Variants in GXYLT2 observed in about 807,000 individuals in gnomAD.
The protein encoded by GXYLT2 is glycosyltransferase 8 domain containing 4.
A neutral mutation model predicts 45.8 loss-of-function variants in GXYLT2; 53 were observed. The ratio of observed to expected loss-of-function variants is 1.16; its 90% CI spans 0.93 to 1.46. The LOEUF is 1.46. Ranked by LOEUF, GXYLT2 falls within the 40% of genes most tolerant of loss-of-function variation. The pLI, the probability that GXYLT2 is intolerant of heterozygous loss-of-function variation, is 0.00. For missense variants in GXYLT2, 551 were observed against 544.4 expected (o/e 1.01, Z -0.12); for synonymous variants, 219 against 214.2 (o/e 1.02, Z -0.19).
intron 2 of GXYLT2, among the ~76,000 whole-genome samples, chr3:72,917,177 C>T (rs1358943617): frequency 6.6e-6 from 1 of 152,114 alleles, no homozygotes; most frequent in East Asian, 1.9e-4. Context: ...GCCATCACAG[C>T]TCACTGCAGC....
chr3:72,898,458 TC>T lies in GXYLT2; in HGVS notation c.276-9907del, dbSNP rs560620674. 2.8e-4 allele frequency among the ~76,000 whole-genome samples: 43 copies of T among 152,294 alleles called. No homozygotes were observed. In the East Asian group the frequency reaches 7.9e-3, roughly 28 times the overall value. The stretch of plus-strand genomic sequence containing the variant: ...AAGAAGGAGATGGAGAAATAGAATC[TC>T]CTATATGTCAGGAACAATCATAAGG... On this transcript the variant is annotated intron_variant, in intron 1 of 6. Coordinates refer to ENST00000389617, the MANE Select transcript of GXYLT2 (RefSeq NM_001080393.2).
chr3:72,889,913 T>G (rs1032235763), intron 1 of GXYLT2, among the ~76,000 whole-genome samples: 8 of 150,016 alleles, frequency 5.3e-5, no homozygotes, highest in Admixed American at 2.0e-4. Context: ...TTTTGTTTTT[T>G]TTTTTTTTTT....
intron 1 of GXYLT2, among the ~76,000 whole-genome samples, chr3:72,889,401 T>C (rs555889077): frequency 6.6e-6 from 1 of 152,122 alleles, no homozygotes. Context: ...CTGAAAGGAG[T>C]TGAAAAATTA....
chr3:72,910,109 A>C (rs1388643193), intron 2 of GXYLT2, among the ~76,000 whole-genome samples: 2 of 152,202 alleles, frequency 1.3e-5, no homozygotes, highest in Non-Finnish European at 2.9e-5. Context: ...GTTAGCTCAG[A>C]GGGTGAAGTA....
chr3:72,938,841 A>G (rs1323909974), intron 3 of GXYLT2, among the ~76,000 whole-genome samples: 2 of 152,228 alleles, frequency 1.3e-5, no homozygotes, highest in African/African-American at 2.4e-5. Flanking sequence ...TTAATGAGCC[A>G]GAATTTTAGA....
intron 2 of GXYLT2, among the ~76,000 whole-genome samples, chr3:72,921,898 T>C (rs1709839121): frequency 6.6e-6 from 1 of 152,200 alleles, no homozygotes; most frequent in Non-Finnish European, 1.5e-5. Flanking sequence ...AATGTCCTTG[T>C]ACCTCTGTCT....
intron 3 of GXYLT2, among the ~76,000 whole-genome samples, chr3:72,927,739 G>A (rs1709945453): frequency 6.6e-6 from 1 of 152,032 alleles, no homozygotes; most frequent in Non-Finnish European, 1.5e-5. Context: ...GCACCAAGAG[G>A]CCATAAATTA....
rs1316755361 is a variant in GXYLT2, at chr3:72,954,111, A to G, written c.601-987A>G. ...CATCTGCAAACTATATATTTTTTTA[A>G]TTTTTTATTTTGAAATGGAGTCTTG... On this transcript the variant is annotated intron_variant, in intron 3 of 6. Coordinates refer to ENST00000389617, the MANE Select transcript of GXYLT2 (RefSeq NM_001080393.2). Among the ~76,000 whole-genome samples, 4 of 151,858 alleles carry G rather than the reference A, an allele frequency of 2.6e-5. No homozygotes were observed. In the South Asian group the frequency reaches 6.2e-4, roughly 24 times the overall value.
At chr3:72,902,858 CA>C (rs1418039028) in intron 1 of GXYLT2, among the ~76,000 whole-genome samples, 3 of 151,890 alleles carry the variant, frequency 2.0e-5, no homozygotes, top group Non-Finnish European at 4.4e-5. Flanking sequence ...ACTAAAAATA[CA>C]AAAATTAGCT....
intron 4 of GXYLT2, among the ~76,000 whole-genome samples, chr3:72,955,582 T>C (rs981494295): frequency 1.3e-5 from 2 of 152,222 alleles, no homozygotes; most frequent in African/African-American, 4.8e-5. Flanking sequence ...GAATACTATG[T>C]TGCATTTCTG....
chr3:72,937,211 T>A (rs186416171), intron 3 of GXYLT2, among the ~76,000 whole-genome samples: 211 of 152,250 alleles, frequency 1.4e-3, no homozygotes, highest in Admixed American at 5.0e-3. Context: ...AGCTTTTTTT[T>A]AAAAAAAGAA....
At chr3:72,902,082 C>G (rs1709420160) in intron 1 of GXYLT2, among the ~76,000 whole-genome samples, 1 of 151,186 alleles carries the variant, frequency 6.6e-6, no homozygotes. Context: ...TATCAGTTTA[C>G]CAGTTGATGG....
intron 2 of GXYLT2, among the ~76,000 whole-genome samples, chr3:72,921,495 C>T (rs1709832969): frequency 1.3e-5 from 2 of 152,042 alleles, no homozygotes; most frequent in Admixed American, 6.6e-5. Context: ...TACTGTGGCA[C>T]GATCTCACTG....
At chr3:72,889,836 A>G (rs1225837159) in intron 1 of GXYLT2, among the ~76,000 whole-genome samples, 1 of 151,748 alleles carries the variant, frequency 6.6e-6, no homozygotes, top group South Asian at 2.1e-4. Context: ...GTTAACACTT[A>G]ACATATACAA....
In GXYLT2 at chr3:72,976,572, A is replaced by G. The variant is rs1383150428; in HGVS notation, c.*1413A>G. On this transcript the variant is annotated 3_prime_UTR_variant, in exon 7 of 7. Transcript: ENST00000389617. The stretch of plus-strand genomic sequence containing the variant: ...CTAGGGTTACCTAGCTGGTCCATAC[A>G]GGTTTTATCACCTCACTGCAAGGAG... The G allele has an allele frequency of 2.6e-5, 4 of 152,192 alleles. No homozygotes were observed. Among genetic ancestry groups the G allele is most frequent in the African/African-American group, 4.8e-5 (2 of 41,444 alleles). The allele number at this position is 152,192 out of a possible 1,614,324, so 9.4% of individuals were successfully genotyped here. A position where few individuals can be genotyped will look rare whatever the true frequency, so the allele number is the denominator to read the frequency against.
intron 2 of GXYLT2, among the ~76,000 whole-genome samples, chr3:72,917,513 A>C (rs116712780): frequency 0.011 from 1,734 of 152,240 alleles, 28 homozygotes; most frequent in African/African-American, 0.038. Context: ...TCCTATTAAG[A>C]ATTTTAAAGT....
In GXYLT2 at chr3:72,975,368, G is replaced by C. The variant is rs374666255; in HGVS notation, c.*209G>C. ...TTTCTAAAATGCTATTTATCTCTAA[G>C]GAAAAAAAAAAAAGACTATTACTCA... On this transcript the variant is annotated 3_prime_UTR_variant, in exon 7 of 7. Coordinates refer to ENST00000389617, the MANE Select transcript of GXYLT2 (RefSeq NM_001080393.2). The C allele has an allele frequency of 1.6e-5, 5 of 314,914 alleles. No individual in the cohort carries two copies. Among genetic ancestry groups the C allele is most frequent in the African/African-American group, 8.5e-5 (2 of 23,430 alleles). 19.5% of individuals were successfully genotyped at this position (314,914 alleles called of 1,614,324 possible).
chr3:72,934,332 C>G (rs563554151), intron 3 of GXYLT2, among the ~76,000 whole-genome samples: 1 of 151,852 alleles, frequency 6.6e-6, no homozygotes, highest in Admixed American at 6.6e-5. Context: ...GCAGTCTGCC[C>G]GCCTCAGTCT....
At position 72,952,551 on chromosome 3, in the gene GXYLT2, C is replaced by A. The variant is rs111851581; in HGVS notation, c.601-2547C>A. 3.2e-3 allele frequency among the ~76,000 whole-genome samples: 486 copies of A among 152,086 alleles called. 3 individuals are homozygous for A. Among genetic ancestry groups the A allele is most frequent in the African/African-American group, 0.011 (463 of 41,486 alleles). On this transcript the variant is annotated intron_variant, in intron 3 of 6. Transcript: ENST00000389617. ...TGTTATACTAGTCTGCTTGGGCTGC[C>A]GTAACAAAATACAAGACTGGGTGGC...
Sources: allele counts gnomAD v4.1 joint callset (sites outside exome capture counted in the v4.1 genomes callset), GRCh38; gene constraint gnomAD v4.1.1; transcripts MANE v1.5; gene names NCBI Gene and HGNC (gene_info 2026-07-23, HGNC 2026-07-21).